The following CCDC57 variants were observed in gnomAD, a reference collection of about 807,000 sequenced individuals.
CCDC57 encodes coiled-coil domain containing 57.
In CCDC57, 118 loss-of-function variants were observed where a neutral mutation model predicts 118.9. The ratio of observed to expected loss-of-function variants is 0.99; its 90% CI spans 0.86 to 1.16. CCDC57 has a LOEUF of 1.16. Ranked by LOEUF, CCDC57 falls within the 50% of genes most tolerant of loss-of-function variation. The pLI, the probability that CCDC57 is intolerant of heterozygous loss-of-function variation, is 0.00. For synonymous variants in CCDC57, 527 were observed against 532.9 expected, an observed-to-expected ratio of 0.99 and a Z score of 0.15; for missense variants, 1,300 against 1,320.7, an observed-to-expected ratio of 0.98 and a Z score of 0.24.
intron 3 of CCDC57, 66 bp from the exon 3 acceptor site, chr17:82,198,488 A>C (rs1196934575): frequency 3.5e-6 from 4 of 1,131,466 alleles, no homozygotes; most frequent in Non-Finnish European, 5.2e-6. Flanking sequence ...TACATTTTCA[A>C]GGTGCACTTG....
chr17:82,146,754 C>T (rs557442015), intron 16 of CCDC57, among the ~76,000 whole-genome samples: 1 of 152,312 alleles, frequency 6.6e-6, no homozygotes, highest in African/African-American at 2.4e-5. Context: ...CATACAAATG[C>T]ATGTGTGCAC....
At chr17:82,194,812 C>G (rs1428342998) in intron 5 of CCDC57, among the ~76,000 whole-genome samples, 2 of 152,260 alleles carry the variant, frequency 1.3e-5, no homozygotes, top group African/African-American at 4.8e-5. Context: ...CGCGTCCCAG[C>G]TGCACACTGA....
At chr17:82,196,641 C>A (rs1196663245) in intron 4 of CCDC57, among the ~76,000 whole-genome samples, 1 of 152,206 alleles carries the variant, frequency 6.6e-6, no homozygotes, top group East Asian at 1.9e-4. Context: ...CACTGCTGCA[C>A]CTGCACAGAC....
chr17:82,143,870 G>A (rs999404671), intron 16 of CCDC57, among the ~76,000 whole-genome samples: 17 of 151,650 alleles, frequency 1.1e-4, no homozygotes, highest in East Asian at 5.8e-4. Flanking sequence ...AGGCCAAGGC[G>A]GGTGGATTGC....
chr17:82,208,988 T>C (rs558651213), intron 1 of CCDC57, among the ~76,000 whole-genome samples: 33 of 152,286 alleles, frequency 2.2e-4, no homozygotes, highest in Admixed American at 6.5e-4. Context: ...TCAAGCGATC[T>C]TCCCACGTAC....
chr17:82,143,504 C>T (rs981097756), intron 16 of CCDC57, among the ~76,000 whole-genome samples: 8 of 151,614 alleles, frequency 5.3e-5, no homozygotes, highest in Non-Finnish European at 7.4e-5. Context: ...ACACCCCACA[C>T]GTGCACACAC....
chr17:82,190,393 C>T (rs2047519420), intron 7 of CCDC57, among the ~76,000 whole-genome samples: 1 of 152,138 alleles, frequency 6.6e-6, no homozygotes, highest in South Asian at 2.1e-4. Context: ...AGCTGCTGGC[C>T]ATTCTAAAAC....
chr17:82,173,587 T>C (rs762684775), intron 11 of CCDC57, among the ~76,000 whole-genome samples: 2 of 152,002 alleles, frequency 1.3e-5, no homozygotes, highest in South Asian at 2.1e-4. Context: ...ACGAAGCAAA[T>C]GAGCTGAAAG....
chr17:82,127,697 G>T, exon 19 of CCDC57: 1 of 1,602,736 alleles, frequency 6.2e-7, no homozygotes, highest in Admixed American at 1.7e-5. Context: ...CCTACCTGGA[G>T]TTGAGTCACC....
chr17:82,133,150 C>T (rs904178391), intron 17 of CCDC57, among the ~76,000 whole-genome samples: 25 of 152,030 alleles, frequency 1.6e-4, no homozygotes, highest in African/African-American at 5.6e-4. Context: ...GTGGGCAGAT[C>T]GCTTGAGCCC....
intron 16 of CCDC57, among the ~76,000 whole-genome samples, chr17:82,143,477 C>T (rs2040292392): frequency 4.4e-5 from 2 of 44,968 alleles, no homozygotes; most frequent in South Asian, 2.1e-3. Flanking sequence ...CTCTTACACA[C>T]ACACAGGCAC....
chr17:82,210,115 T>A (rs1463369063), intron 1 of CCDC57, among the ~76,000 whole-genome samples: 1 of 151,878 alleles, frequency 6.6e-6, no homozygotes, highest in Non-Finnish European at 1.5e-5. Context: ...TTGAAGGGGC[T>A]CCTAACACCT....
intron 19 of CCDC57, among the ~76,000 whole-genome samples, chr17:82,111,183 C>T (rs1405012162): frequency 6.7e-6 from 1 of 149,272 alleles, no homozygotes; most frequent in Non-Finnish European, 1.5e-5. Context: ...GCAAGCTCTG[C>T]CTCCTGGGTT....
chr17:82,187,846 T>C (rs2047164994), intron 8 of CCDC57, among the ~76,000 whole-genome samples: 1 of 144,752 alleles, frequency 6.9e-6, no homozygotes, highest in African/African-American at 2.6e-5. Context: ...GGGGGAGGCG[T>C]TGGTGTGTAA....
chr17:82,198,345 T>C lies in CCDC57; in HGVS notation c.485A>G (p.Glu162Gly), dbSNP rs760310466. The stretch of plus-strand genomic sequence containing the variant: ...CTGCAGAGCAAGCTCACCGTCGAGC[T>C]CCTCAAGTTTTCTCTCCAGTGTCCA... Residue 162 changes from glutamate (E) to glycine (G), a missense_variant, in exon 4 of 20, where the codon GAG becomes GGG. Transcript: ENST00000665763. 5 of 1,613,412 alleles carry C rather than the reference T, an allele frequency of 3.1e-6. No individual in the cohort carries two copies. In the Admixed American group the frequency reaches 8.3e-5, roughly 27 times the overall value.
At chr17:82,151,379 ACACACCCAGAACCTGACC>A (rs899514833) in intron 16 of CCDC57, among the ~76,000 whole-genome samples, 163 bp downstream of exon 15, 6 of 73,524 alleles carry the variant, frequency 8.2e-5, no homozygotes, top group South Asian at 5.3e-4. Flanking sequence ...AGAACCTGGC[ACACACCCAGAACCTGACC>A]CACACCCAGA....
chr17:82,205,930 T>C (rs1166892935), intron 2 of CCDC57, among the ~76,000 whole-genome samples: 1 of 152,234 alleles, frequency 6.6e-6, no homozygotes, highest in East Asian at 1.9e-4. Flanking sequence ...TCTGTTTCTG[T>C]ACAAATCCCA....
chr17:82,148,578 T>G (rs2041292146), intron 16 of CCDC57, among the ~76,000 whole-genome samples: 1 of 75,182 alleles, frequency 1.3e-5, no homozygotes, highest in Non-Finnish European at 2.4e-5. Flanking sequence ...GGTGGATGGA[T>G]GGGTGGGTGG....
chr17:82,162,238 T>TG (rs557907058), intron 14 of CCDC57, among the ~76,000 whole-genome samples: 89 of 151,872 alleles, frequency 5.9e-4, no homozygotes, highest in African/African-American at 2.1e-3. Flanking sequence ...ACCTCAGGAG[T>TG]GGGGTGATCC....
Sources: allele counts gnomAD v4.1 joint callset (sites outside exome capture counted in the v4.1 genomes callset), GRCh38; gene constraint gnomAD v4.1.1; transcripts MANE v1.5; gene names NCBI Gene and HGNC (gene_info 2026-07-23, HGNC 2026-07-21).